SPRYD3: variants seen among roughly 807,000 people sequenced by gnomAD.
SPRYD3 encodes the protein SPRY domain-containing protein 3.
Under a neutral mutation model 50.1 loss-of-function variants are expected in SPRYD3, and 17 were observed. The ratio of observed to expected loss-of-function variants is 0.34; its 90% CI spans 0.23 to 0.51. The LOEUF is 0.51. SPRYD3 is among the 20% of genes least tolerant of loss of function. The probability of loss-of-function intolerance (pLI) is 0.97; values close to 1 mark genes in which losing one functional copy is unlikely to be tolerated. For synonymous variants in SPRYD3, 198 were observed against 215.5 expected (o/e 0.92, Z 0.71); for missense variants, 401 against 591.2 (o/e 0.68, Z 3.34).
At chr12:53,075,050 C>T in intron 4 of SPRYD3, 45 bp downstream of exon 4, 13 of 1,598,632 alleles carry the variant, frequency 8.1e-6, no homozygotes, top group Non-Finnish European at 1.0e-5. Flanking sequence ...TCTAAGATTC[C>T]CAAATTCATA....
chr12:53,073,938 CA>C (rs1944570006), intron 5 of SPRYD3, among the ~76,000 whole-genome samples: 1 of 150,768 alleles, frequency 6.6e-6, no homozygotes, highest in South Asian at 2.1e-4. Context: ...GAAAAGTTTC[CA>C]AATGTGCTAA....
At chr12:53,075,473 G>C (rs1483326913) in intron 3 of SPRYD3, among the ~76,000 whole-genome samples, 2 of 152,138 alleles carry the variant, frequency 1.3e-5, no homozygotes, top group Non-Finnish European at 2.9e-5. Context: ...TGGGTTAGGG[G>C]ACATGAGTCA....
rs112104682 is a variant in SPRYD3, at chr12:53,078,173, T to C, written c.24-912A>G. The C allele has an allele frequency of 3.2e-4, 131 of 414,172 alleles. 1 individual carries two copies. The highest frequency in any genetic ancestry group is 1.5e-3 in the Middle Eastern group (4 of 2,716). The allele number at this position is 414,172 out of a possible 1,614,324, so 25.7% of individuals were successfully genotyped here. ...CAGCCTGGCTGACAGAGCAAGACCC[T>C]GTCTCAAAAAAAAAAGAAAAAAAAA... On this transcript the variant is annotated intron_variant, in intron 1 of 10. Transcript: ENST00000301463.
intron 6 of SPRYD3, among the ~76,000 whole-genome samples, chr12:53,069,895 A>G (rs1182378774): frequency 6.6e-6 from 1 of 151,886 alleles, no homozygotes; most frequent in East Asian, 1.9e-4. Flanking sequence ...GACCCATTCT[A>G]TCCAACTGGC....
chr12:53,071,098 C>T (rs1755312515), intron 6 of SPRYD3, among the ~76,000 whole-genome samples: 1 of 152,192 alleles, frequency 6.6e-6, no homozygotes, highest in Non-Finnish European at 1.5e-5. Flanking sequence ...AGCAGAGACC[C>T]TAATCCCTCT....
rs542839852 is a variant in SPRYD3, at chr12:53,073,950, G to C, written c.508-479C>G. Among the ~76,000 whole-genome samples the C allele has an allele frequency of 2.7e-5, 4 of 149,158 alleles. No individual in the cohort carries two copies. In the South Asian group the frequency reaches 8.5e-4, roughly 32 times the overall value. ...GCAGAAAAGTTTCCAAATGTGCTAA[G>C]TACTCCTGGCTAAGCAAGGTATGTA... On this transcript the variant is annotated intron_variant, in intron 5 of 10. Transcript: ENST00000301463.
intron 6 of SPRYD3, among the ~76,000 whole-genome samples, chr12:53,071,440 A>C (rs1261986829): frequency 6.6e-6 from 1 of 152,188 alleles, no homozygotes; most frequent in Non-Finnish European, 1.5e-5. Flanking sequence ...GTGAGAGGCA[A>C]GTGCCCCAGC....
intron 2 of SPRYD3, 140 bp from the exon 3 acceptor site, chr12:53,075,951 C>T (rs1170010288): frequency 7.3e-6 from 5 of 687,998 alleles, no homozygotes; most frequent in African/African-American, 1.8e-5. Flanking sequence ...CATCGGCAGA[C>T]ATCAGAACCA....
chr12:53,072,945 G>C (rs1270533850), intron 6 of SPRYD3, among the ~76,000 whole-genome samples: 5 of 152,180 alleles, frequency 3.3e-5, no homozygotes, highest in African/African-American at 1.2e-4. Context: ...TTTGCCTCCA[G>C]ATCAACCCCC....
At chr12:53,078,577 A>T (rs1287683885) in intron 1 of SPRYD3, among the ~76,000 whole-genome samples, 1 of 152,088 alleles carries the variant, frequency 6.6e-6, no homozygotes, top group Non-Finnish European at 1.5e-5. Context: ...TCAAGAACAG[A>T]TGTGGGCAAA....
At chr12:53,071,632 G>A (rs1417569081) in intron 6 of SPRYD3, among the ~76,000 whole-genome samples, 2 of 151,900 alleles carry the variant, frequency 1.3e-5, no homozygotes, top group African/African-American at 4.8e-5. Flanking sequence ...AGCAATTTGG[G>A]AGGCCAAGGT....
Position 53,065,695 on chromosome 12 carries a change from C to T in SPRYD3, c.*137G>A. 1.1e-6 allele frequency: 1 copy of T among 880,826 alleles called. No homozygotes were observed. Among genetic ancestry groups the T allele is most frequent in the Non-Finnish European group, 1.8e-6 (1 of 560,336 alleles). The allele number at this position is 880,826 out of a possible 1,614,324, so 54.6% of individuals were successfully genotyped here. ...TGGGCACAGAGAAGCGTGACAGGGG[C>T]CTGAGCCAGTGGGGGCAGAGTGACT... is the stretch of plus-strand genomic sequence containing the variant. On this transcript the variant is annotated 3_prime_UTR_variant, in exon 11 of 11. Coordinates refer to ENST00000301463, the MANE Select transcript of SPRYD3 (RefSeq NM_032840.3).
chr12:53,072,045 G>A (rs1258601428), intron 6 of SPRYD3, among the ~76,000 whole-genome samples: 2 of 152,236 alleles, frequency 1.3e-5, no homozygotes. Context: ...AGAGCAGAGT[G>A]GGGACAGGTC....
At position 53,071,723 on chromosome 12, in the gene SPRYD3, T is replaced by TAA. The variant is rs60600870; in HGVS notation, c.693+1561_693+1562dup. Among the ~76,000 whole-genome samples the TAA allele has an allele frequency of 7.9e-4, 83 of 104,474 alleles. 1 individual carries two copies. In the East Asian group the frequency reaches 0.011, roughly 14 times the overall value. 68.5% of individuals were successfully genotyped at this position (104,474 alleles called of 152,430 possible). ...TGGGTGACAGAGTGATAGCCTGTCT[T>TAA]AAAAAAAAAAAAAAAAAAAAAAGGA... On this transcript the variant is annotated intron_variant, in intron 6 of 10. Transcript: ENST00000301463.
rs555605487 is a variant in SPRYD3 at position 53,066,339 on chromosome 12, G to C, written c.1169C>G (p.Pro390Arg). Residue 390 changes from proline to arginine, a missense_variant, in exon 10 of 11, where the codon CCG becomes CGG. Transcript: ENST00000301463. ...CACCACCTTCCTGCCCTCATGCTCC[G>C]GCTCTATCTCTTCCCCATCCTCTTC... The part of the protein sequence containing the change: ...EEEEDGEEIE[P>R]EHEGRKVVVF... 1 of 1,613,846 alleles carries C rather than the reference G, an allele frequency of 6.2e-7. No individual in the cohort carries two copies. Among genetic ancestry groups the C allele is most frequent in the South Asian group, 1.1e-5 (1 of 91,034 alleles).
chr12:53,078,677 G>A (rs1944608746), intron 1 of SPRYD3, among the ~76,000 whole-genome samples: 1 of 152,094 alleles, frequency 6.6e-6, no homozygotes, highest in Non-Finnish European at 1.5e-5. Flanking sequence ...GATGATCCAG[G>A]TATTTAAACA....
Position 53,074,489 on chromosome 12 carries a change from G to T in SPRYD3, c.507+160C>A, listed in dbSNP as rs771065452. Among the ~76,000 whole-genome samples, 1 of 152,154 alleles carries T rather than the reference G, an allele frequency of 6.6e-6. No homozygotes were observed. Among genetic ancestry groups the T allele is most frequent in the Non-Finnish European group, 1.5e-5 (1 of 68,034 alleles). ...CCATGGGAAGTATCTTCTCCTACAC[G>T]CAAGAGACTTCAGGAGAATCTGAGG... On this transcript the variant is annotated intron_variant, in intron 5 of 10. Transcript: ENST00000301463. This position sits in a 1 kb window ranked among gnomAD's most constrained non-coding sequence, Gnocchi z 4.6.
rs2121198199 is a variant in SPRYD3, at chr12:53,068,365, G to A, written c.694-61C>T. On this transcript the variant is annotated intron_variant, in intron 6 of 10. Transcript: ENST00000301463. ...GGCTGACACCCACCCTGGAAACCTGGGCCCAAGGCAGTCTGGGTCCCACTT... is the reference window on the plus strand; with the variant it reads ...GGCTGACACCCACCCTGGAAACCTGAGCCCAAGGCAGTCTGGGTCCCACTT... 12 of 1,587,396 alleles carry A rather than the reference G, an allele frequency of 7.6e-6. No homozygotes were observed. The South Asian group carries it at 1.1e-4, about 15-fold the overall frequency.
chr12:53,069,061 A>G (rs1408934796), intron 6 of SPRYD3, among the ~76,000 whole-genome samples: 2 of 151,926 alleles, frequency 1.3e-5, no homozygotes, highest in Non-Finnish European at 2.9e-5. Flanking sequence ...GATAGGGGAG[A>G]TGACTGATGG....
Sources: allele counts gnomAD v4.1 joint callset (sites outside exome capture counted in the v4.1 genomes callset), GRCh38; gene constraint gnomAD v4.1.1; non-coding constraint Gnocchi (gnomAD v3.1); transcripts MANE v1.5; gene names NCBI Gene and HGNC (gene_info 2026-07-23, HGNC 2026-07-21).